Variants in DNAH14 observed in about 807,000 individuals in gnomAD.
DNAH14 encodes axonemal beta dynein heavy chain 14.
Under a neutral mutation model 520.9 loss-of-function variants are expected in DNAH14, and 478 were observed. The ratio of observed to expected loss-of-function variants is 0.92; its 90% CI spans 0.85 to 0.99. The LOEUF (loss-of-function observed/expected upper bound fraction) is 0.99. DNAH14 is among the 50% of genes least tolerant of loss of function. The pLI is 0.00. For synonymous variants in DNAH14, 1,581 were observed against 1,757.2 expected (o/e 0.90, Z 2.51); for missense variants, 4,831 against 5,234.5 (o/e 0.92, Z 2.38).
intron 36 of DNAH14, among the ~76,000 whole-genome samples, chr1:225,168,364 C>G (rs553240505): frequency 1.3e-5 from 2 of 152,218 alleles, no homozygotes; most frequent in Non-Finnish European, 2.9e-5. Context: ...TCGCCTCACC[C>G]AGGAAGCACA....
At chr1:225,293,441 G>T (rs766548149) in intron 55 of DNAH14, among the ~76,000 whole-genome samples, 14 of 152,100 alleles carry the variant, frequency 9.2e-5, no homozygotes, top group Non-Finnish European at 1.6e-4. Context: ...TCAGTGACAG[G>T]CTGGATAAAG....
intron 36 of DNAH14, among the ~76,000 whole-genome samples, chr1:225,182,152 C>T (rs1046654900): frequency 3.9e-5 from 6 of 152,202 alleles, no homozygotes; most frequent in Admixed American, 1.3e-4. Context: ...GAACCCAGAT[C>T]GCATCATTGC....
At chr1:225,146,745 G>C (rs1350915369) in intron 30 of DNAH14, among the ~76,000 whole-genome samples, 1 of 152,210 alleles carries the variant, frequency 6.6e-6, no homozygotes, top group African/African-American at 2.4e-5. Flanking sequence ...CTGCCAGAAA[G>C]TTGTCCTGAA....
At chr1:225,261,276 A>G (rs2092926681) in intron 46 of DNAH14, among the ~76,000 whole-genome samples, 1 of 152,156 alleles carries the variant, frequency 6.6e-6, no homozygotes, top group South Asian at 2.1e-4. Flanking sequence ...GCTGTGATGT[A>G]TCAGACTTGG....
intron 37 of DNAH14, 120 bp from the exon 38 acceptor site, chr1:225,192,576 A>G (rs2085588163): frequency 4.8e-6 from 3 of 619,646 alleles, no homozygotes; most frequent in South Asian, 5.6e-5. Flanking sequence ...CTACCTTTAT[A>G]TAAAATCTTT....
intron 27 of DNAH14, among the ~76,000 whole-genome samples, chr1:225,135,704 A>C (rs1302868319): frequency 6.6e-6 from 1 of 151,870 alleles, no homozygotes; most frequent in African/African-American, 2.4e-5. Context: ...TCAGGTTCTA[A>C]ATATCTTTGT....
chr1:225,335,137 G>A (rs2094901322), intron 66 of DNAH14, among the ~76,000 whole-genome samples: 3 of 126,596 alleles, frequency 2.4e-5, no homozygotes, highest in South Asian at 2.3e-4. Flanking sequence ...ATATGTGCAT[G>A]TGCACATGTG....
intron 36 of DNAH14, among the ~76,000 whole-genome samples, chr1:225,181,458 A>G (rs1201056589): frequency 6.6e-6 from 1 of 152,176 alleles, no homozygotes; most frequent in South Asian, 2.1e-4. Context: ...GTGTATAAGT[A>G]TGCCCTTTTC....
intron 54 of DNAH14, among the ~76,000 whole-genome samples, chr1:225,278,131 CAA>C (rs903751781): frequency 7.2e-6 from 1 of 139,048 alleles, no homozygotes; most frequent in African/African-American, 3.4e-5. Flanking sequence ...AAATAAAACA[CAA>C]GTTTTATTTA....
At chr1:225,063,076 T>C (rs947414291) in intron 17 of DNAH14, among the ~76,000 whole-genome samples, 6 of 152,088 alleles carry the variant, frequency 3.9e-5, no homozygotes, top group African/African-American at 1.4e-4. Flanking sequence ...TATATTTATG[T>C]AGAAGTATTT....
chr1:225,266,876 G>A, intron 49 of DNAH14, 107 bp downstream of exon 49: 1 of 1,110,446 alleles, frequency 9.0e-7, no homozygotes, highest in Non-Finnish European at 1.2e-6. Flanking sequence ...AGAAATTCTG[G>A]CCATATGGAC....
intron 43 of DNAH14, among the ~76,000 whole-genome samples, chr1:225,242,864 G>A (rs1411454421): frequency 6.6e-6 from 1 of 152,134 alleles, no homozygotes; most frequent in East Asian, 1.9e-4. Context: ...ATGTTACGAT[G>A]ACTATGATGT....
At chr1:225,340,819 C>T in intron 69 of DNAH14, 118 bp downstream of exon 69, 1 of 1,226,944 alleles carries the variant, frequency 8.2e-7, no homozygotes, top group Non-Finnish European at 1.1e-6. Context: ...CACCAGGTAA[C>T]TGATAAAGGT....
chr1:224,982,580 A>G (rs1239648319), intron 8 of DNAH14, among the ~76,000 whole-genome samples: 1 of 151,726 alleles, frequency 6.6e-6, no homozygotes, highest in Non-Finnish European at 1.5e-5. Flanking sequence ...GTAGTCATTT[A>G]GGGCTACAAA....
At chr1:225,217,569 C>T (rs780782259) in intron 41 of DNAH14, among the ~76,000 whole-genome samples, 6 of 152,140 alleles carry the variant, frequency 3.9e-5, no homozygotes, top group African/African-American at 7.2e-5. Context: ...GCTTCCAGGC[C>T]GCTTTGTTTA....
At chr1:224,939,630 G>A (rs2059276306) in intron 1 of DNAH14, among the ~76,000 whole-genome samples, 1 of 152,126 alleles carries the variant, frequency 6.6e-6, no homozygotes, top group Non-Finnish European at 1.5e-5. Flanking sequence ...CTTGCAGTGA[G>A]CCGAGATTGT....
intron 23 of DNAH14, among the ~76,000 whole-genome samples, chr1:225,112,257 C>CT (rs2076543346): frequency 1.3e-5 from 2 of 152,068 alleles, no homozygotes; most frequent in African/African-American, 2.4e-5. Context: ...AGGGTAAAAG[C>CT]TTTTTTTCCT....
In DNAH14 at chr1:224,929,693, G is replaced by A. The variant is rs753511041; in HGVS notation, c.-176G>A. On this transcript the variant is annotated 5_prime_UTR_variant, in exon 1 of 86. Coordinates refer to ENST00000682510, the MANE Select transcript of DNAH14 (RefSeq NM_001367479.1). ...GCTCTTGGTCAGGCGGTTACGGCCA[G>A]GAGGCGTCGGAGCCTGGCGTGGTAG... 3 of 702,444 alleles carry A rather than the reference G, an allele frequency of 4.3e-6. No homozygotes were observed. The highest frequency in any genetic ancestry group is 1.5e-5 in the South Asian group (1 of 67,602). 43.5% of individuals were successfully genotyped at this position (702,444 alleles called of 1,614,324 possible).
In DNAH14 at chr1:225,340,685, A is replaced by G. The variant is rs2095160370; in HGVS notation, c.10662A>G (p.Leu3554=). 1 of 1,551,312 alleles carries G rather than the reference A, an allele frequency of 6.4e-7. No homozygotes were observed. Among genetic ancestry groups the G allele is most frequent in the Non-Finnish European group, 8.7e-7 (1 of 1,146,814 alleles). ...AACTAGAGGAAAAAACATTAAATTTACTGCAGAAAGCACTAGGTAAGTCAA... is the reference window on the plus strand; with the variant it reads ...AACTAGAGGAAAAAACATTAAATTTGCTGCAGAAAGCACTAGGTAAGTCAA... ...LEELEEKTLN[L]LQKALGSILD... Residue 3554 remains leucine, a synonymous_variant, in exon 69 of 86, where the codon TTA becomes TTG. Transcript: ENST00000682510.
Sources: allele counts gnomAD v4.1 joint callset (sites outside exome capture counted in the v4.1 genomes callset), GRCh38; gene constraint gnomAD v4.1.1; transcripts MANE v1.5; gene names NCBI Gene and HGNC (gene_info 2026-07-23, HGNC 2026-07-21).